PTPN3: variants seen among roughly 807,000 people sequenced by gnomAD.
The protein encoded by PTPN3 is protein tyrosine phosphatase non-receptor type 3.
Under a neutral mutation model 132.7 loss-of-function variants are expected in PTPN3, and 96 were observed. The observed-to-expected ratio is 0.72, with a 90% CI of 0.61 to 0.86. PTPN3 has a LOEUF of 0.86. Among genes scored for constraint, PTPN3 ranks in the 40% least tolerant of loss-of-function variants. PTPN3 has a pLI of 0.00. For synonymous variants in PTPN3, 398 were observed against 429.0 expected (o/e 0.93, Z 0.89); for missense variants, 1,125 against 1,159.6 (o/e 0.97, Z 0.43).
the PTPN3 span, chr9:109,532,958 T>G: frequency 1.7e-5 from 5 of 298,374 alleles, no homozygotes; most frequent in African/African-American, 9.1e-5. Flanking sequence ...TTTTTTTTTT[T>G]TTTTTTTTTT....
chr9:109,470,949 T>C (rs1356945687), intron 1 of PTPN3, among the ~76,000 whole-genome samples: 2 of 152,170 alleles, frequency 1.3e-5, no homozygotes, highest in East Asian at 1.9e-4. Flanking sequence ...GGAAACTGCA[T>C]TGTAAAACAA....
At chr9:109,398,134 C>T (rs1840752908) in intron 19 of PTPN3, among the ~76,000 whole-genome samples, 1 of 152,138 alleles carries the variant, frequency 6.6e-6, no homozygotes, top group South Asian at 2.1e-4. Flanking sequence ...ATTAGCTGGG[C>T]ATGGTGGCGC....
intron 1 of PTPN3, among the ~76,000 whole-genome samples, chr9:109,466,568 A>G (rs1196365111): frequency 6.6e-6 from 1 of 152,232 alleles, no homozygotes; most frequent in Non-Finnish European, 1.5e-5. Flanking sequence ...TGCAGTGTGC[A>G]TACAGAGTGC....
intron 25 of PTPN3, among the ~76,000 whole-genome samples, chr9:109,380,061 G>C (rs1303475127): frequency 6.6e-6 from 1 of 152,188 alleles, no homozygotes; most frequent in African/African-American, 2.4e-5. Context: ...TTGTGTTGGG[G>C]TAAGGAGTCT....
chr9:109,376,846 C>T lies in PTPN3; in HGVS notation c.*2710G>A, dbSNP rs532341228. 1.2e-4 allele frequency: 18 copies of T among 152,294 alleles called. No homozygotes were observed. Among genetic ancestry groups the T allele is most frequent in the Admixed American group, 7.2e-4 (11 of 15,294 alleles). 9.4% of individuals were successfully genotyped at this position (152,294 alleles called of 1,614,324 possible). ...GAATTGTTTGCTCTTTTAGGTAATT[C>T]TCTTGTCTTGTTCTTCCCAGTATTT... On this transcript the variant is annotated 3_prime_UTR_variant, in exon 26 of 26. Coordinates refer to ENST00000374541, the MANE Select transcript of PTPN3 (RefSeq NM_002829.4).
At chr9:109,387,031 G>A (rs901028343) in intron 22 of PTPN3, among the ~76,000 whole-genome samples, 15 of 152,148 alleles carry the variant, frequency 9.9e-5, no homozygotes, top group Non-Finnish European at 2.2e-4. Flanking sequence ...GAAGGGAGGG[G>A]TAAGACCGAT....
chr9:109,460,812 T>C (rs553788413), intron 2 of PTPN3, among the ~76,000 whole-genome samples: 16 of 152,338 alleles, frequency 1.1e-4, no homozygotes, highest in African/African-American at 3.8e-4. Context: ...CCTGCTGGGA[T>C]GTTAGCTTCA....
chr9:109,476,718 T>C (rs1347860846), intron 1 of PTPN3, among the ~76,000 whole-genome samples: 1 of 152,190 alleles, frequency 6.6e-6, no homozygotes, highest in Admixed American at 6.5e-5. Flanking sequence ...AACAAATTAA[T>C]GTTTTGTCTT....
the PTPN3 span, among the ~76,000 whole-genome samples, chr9:109,526,569 G>T: frequency 3.8e-4 from 58 of 152,182 alleles, no homozygotes; most frequent in East Asian, 0.011. Flanking sequence ...CAGCTATGTG[G>T]GAGGCTGAGG....
intron 25 of PTPN3, 129 bp from the exon 26 acceptor site, chr9:109,379,762 G>C: frequency 2.6e-6 from 2 of 764,390 alleles, no homozygotes; most frequent in Non-Finnish European, 4.5e-6. Flanking sequence ...CACAGGCCAG[G>C]TACACCTGTG....
chr9:109,376,091 A>G lies in PTPN3; in HGVS notation c.*3465T>C, dbSNP rs530977978. ...TCTCAGAAATGTGACATGTCTCTGTAGCAGCCATAAAGCTTTGGTTTAGGA... is the reference window on the plus strand; with the variant it reads ...TCTCAGAAATGTGACATGTCTCTGTGGCAGCCATAAAGCTTTGGTTTAGGA... On this transcript the variant is annotated 3_prime_UTR_variant, in exon 26 of 26. Transcript: ENST00000374541. 1.3e-5 allele frequency: 2 copies of G among 152,368 alleles called. No homozygotes were observed. Among genetic ancestry groups the G allele is most frequent in the African/African-American group, 2.4e-5 (1 of 41,594 alleles). 9.4% of individuals were successfully genotyped at this position (152,368 alleles called of 1,614,324 possible). A position where few individuals can be genotyped will look rare whatever the true frequency, so the allele number is the denominator to read the frequency against.
intron 1 of PTPN3, among the ~76,000 whole-genome samples, chr9:109,496,894 C>A (rs915084743): frequency 1.3e-5 from 2 of 152,124 alleles, no homozygotes; most frequent in Non-Finnish European, 2.9e-5. Context: ...GGCTGAGAAA[C>A]CCTGATCTAA....
intron 9 of PTPN3, among the ~76,000 whole-genome samples, chr9:109,436,604 T>C (rs1193045125): frequency 6.6e-6 from 1 of 152,194 alleles, no homozygotes; most frequent in Non-Finnish European, 1.5e-5. Flanking sequence ...TTTTGCCTTT[T>C]AAAACCATAA....
chr9:109,397,074 GA>G (rs1050314800), intron 19 of PTPN3, among the ~76,000 whole-genome samples: 2 of 151,820 alleles, frequency 1.3e-5, no homozygotes, highest in African/African-American at 2.4e-5. Flanking sequence ...AAAAGGACAG[GA>G]AAAAAAAGGG....
chr9:109,417,345 T>C lies in PTPN3; in HGVS notation c.1313+3079A>G, dbSNP rs182918287. Among the ~76,000 whole-genome samples, 4 of 152,362 alleles carry C rather than the reference T, an allele frequency of 2.6e-5. No individual in the cohort carries two copies. The East Asian group carries it at 5.8e-4, about 22-fold the overall frequency. ...TTTTCTTTCTCTCTTTCTTCTTTTT[T>C]AAACGAGTACAGAACATCGCACTTA... is the stretch of plus-strand genomic sequence containing the variant. On this transcript the variant is annotated intron_variant, in intron 14 of 25. Coordinates refer to ENST00000374541, the MANE Select transcript of PTPN3 (RefSeq NM_002829.4).
At chr9:109,454,394 C>A in intron 5 of PTPN3, 102 bp downstream of exon 5, 1 of 991,502 alleles carries the variant, frequency 1.0e-6, no homozygotes, top group East Asian at 2.4e-5. Flanking sequence ...GTAGTTACAC[C>A]CAAATGAAGT....
At chr9:109,401,277 G>GA (rs1394713092) in intron 19 of PTPN3, among the ~76,000 whole-genome samples, 1 of 152,136 alleles carries the variant, frequency 6.6e-6, no homozygotes, top group East Asian at 1.9e-4. Context: ...CTCTCCTCTG[G>GA]AACAGCGTGT....
chr9:109,408,796 A>AATATATATATATAT (rs1219154297), intron 16 of PTPN3, among the ~76,000 whole-genome samples: 2 of 108,372 alleles, frequency 1.8e-5, no homozygotes, highest in East Asian at 2.7e-4. Context: ...AAAAAAAAAA[A>AATATATATATATAT]ATATATATAT....
Position 109,433,053 on chromosome 9 carries a change from T to C in PTPN3, c.764+20A>G. ...TTTTAAAGCATGATTCAGAAAATAA[T>C]GAGAACTGTTTGCACTTACCAAGGA... On this transcript the variant is annotated intron_variant, in intron 10 of 25. Coordinates refer to ENST00000374541, the MANE Select transcript of PTPN3 (RefSeq NM_002829.4). 6.2e-7 allele frequency: 1 copy of C among 1,611,974 alleles called. No homozygotes were observed.
Sources: gnomAD v4.1 joint callset for allele counts (sites outside exome capture counted in the v4.1 genomes callset) on GRCh38, gnomAD v4.1.1 for gene constraint, MANE v1.5 for transcripts, NCBI Gene and HGNC (gene_info 2026-07-23, HGNC 2026-07-21) for gene names.